Variants in INPP5A observed in about 807,000 individuals in gnomAD.
INPP5A encodes the protein 43 kDa inositol polyphosphate 5-phophatase.
Under a neutral mutation model 65.2 loss-of-function variants are expected in INPP5A, and 14 were observed. That is an observed-to-expected ratio of 0.21 (90% confidence interval 0.14 to 0.34). INPP5A has a LOEUF of 0.34. INPP5A is among the 10% of genes least tolerant of loss of function. The pLI is 1.00. For synonymous variants in INPP5A, 207 were observed against 208.3 expected, an observed-to-expected ratio of 0.99 and a Z score of 0.05; for missense variants, 431 against 545.6, an observed-to-expected ratio of 0.79 and a Z score of 2.09.
intron 8 of INPP5A, 49 bp from the exon 9 acceptor site, chr10:132,726,772 G>C (rs1845992781): frequency 7.2e-7 from 1 of 1,383,522 alleles, no homozygotes; most frequent in African/African-American, 1.4e-5. Context: ...GGGCATGAGG[G>C]CTGGCCGGCT....
intron 4 of INPP5A, among the ~76,000 whole-genome samples, chr10:132,681,882 C>T (rs2073051397): frequency 6.6e-6 from 1 of 152,230 alleles, no homozygotes; most frequent in African/African-American, 2.4e-5. Context: ...TTCTGGCAAG[C>T]ACTACAACAT....
chr10:132,720,476 T>A (rs1285179483), intron 8 of INPP5A, among the ~76,000 whole-genome samples: 3 of 148,972 alleles, frequency 2.0e-5, no homozygotes, highest in Admixed American at 2.0e-4. Context: ...GGTACCTGGG[T>A]TCTGTCTGGG....
intron 2 of INPP5A, among the ~76,000 whole-genome samples, chr10:132,618,856 A>G (rs924750362): frequency 2.6e-5 from 4 of 152,186 alleles, no homozygotes; most frequent in South Asian, 4.1e-4. Flanking sequence ...CTCAAGAGTA[A>G]GAACTCACTT....
At chr10:132,552,558 A>G (rs1324765368) in intron 1 of INPP5A, among the ~76,000 whole-genome samples, 87 of 105,978 alleles carry the variant, frequency 8.2e-4, no homozygotes, top group East Asian at 1.8e-3. Flanking sequence ...AATATTGAGT[A>G]GGATAGGGAG....
intron 2 of INPP5A, among the ~76,000 whole-genome samples, chr10:132,633,184 T>C (rs971490751): frequency 6.6e-6 from 1 of 152,182 alleles, no homozygotes; most frequent in Non-Finnish European, 1.5e-5. Context: ...GCTTCAGTAG[T>C]GAGCTCCCGG....
chr10:132,756,216 C>T (rs1846608011), intron 11 of INPP5A, among the ~76,000 whole-genome samples: 1 of 151,924 alleles, frequency 6.6e-6, no homozygotes, highest in Admixed American at 6.6e-5. Context: ...TACATGTGTG[C>T]ACTTTGTGTG....
chr10:132,704,920 GC>G lies in INPP5A; in HGVS notation c.475-3392del, dbSNP rs1483614759. 2.7e-5 allele frequency among the ~76,000 whole-genome samples: 4 copies of G among 146,680 alleles called. No homozygotes were observed. Among genetic ancestry groups the G allele is most frequent in the African/African-American group, 1.0e-4 (4 of 40,082 alleles). On this transcript the variant is annotated intron_variant, in intron 6 of 15. Transcript: ENST00000368594. This position sits in a 1 kb window ranked among gnomAD's most constrained non-coding sequence, Gnocchi z 4.5. ...GGATGGAGGAAGGGCGTCTGGACAG[GC>G]GGCAGGCAGCTCCTCTGGAGTGTGG...
Position 132,708,358 on chromosome 10 carries a change from G to A in INPP5A, c.520G>A (p.Ala174Thr). 6.2e-7 allele frequency: 1 copy of A among 1,613,986 alleles called. No homozygotes were observed. The highest frequency in any genetic ancestry group is 8.5e-7 in the Non-Finnish European group (1 of 1,179,828). Reference sequence around the variant, plus strand: ...CTTCATCCGGACGAGGTGGTGCATTGCAGACTGGTACGTGGTGTCTGTGCT... The same window carrying A: ...CTTCATCCGGACGAGGTGGTGCATTACAGACTGGTACGTGGTGTCTGTGCT... ...KGFIRTRWCI[A>T]DCAFDLVNIH... Residue 174 changes from alanine (A) to threonine (T), a missense_variant, in exon 7 of 16, where the codon GCA (alanine) becomes ACA (threonine). By Grantham distance (58) the Ala-to-Thr change is moderately conservative. Transcript: ENST00000368594.
intron 11 of INPP5A, among the ~76,000 whole-genome samples, chr10:132,754,216 G>C (rs1488258400): frequency 6.6e-6 from 1 of 152,248 alleles, no homozygotes; most frequent in Non-Finnish European, 1.5e-5. Context: ...TTGTATCATG[G>C]TCGTGTGTAC....
intron 1 of INPP5A, among the ~76,000 whole-genome samples, chr10:132,596,739 GTGCATGTTTGTGTACGTGTGTATGCA>G (rs2071694750): frequency 6.6e-6 from 1 of 152,230 alleles, no homozygotes; most frequent in South Asian, 2.1e-4. Context: ...CCATGTGTGT[GTGCATGTTTGTGTACGTGTGTATGCA>G]TGCATGTGTG....
At position 132,597,086 on chromosome 10, in the gene INPP5A, T is replaced by TATGTGTGC. The variant is rs767495199; in HGVS notation, c.76-10822_76-10815dup. On this transcript the variant is annotated intron_variant, in intron 1 of 15. Coordinates refer to ENST00000368594, the MANE Select transcript of INPP5A (RefSeq NM_005539.5). ...GCTCCTGTACGTGTGTGCGTGTGTG[T>TATGTGTGC]ATGTGTGCATGTGTTTGCATGTGTG... is the stretch of plus-strand genomic sequence containing the variant. Among the ~76,000 whole-genome samples the TATGTGTGC allele has an allele frequency of 2.2e-3, 339 of 151,890 alleles. 12 individuals carry two copies. In the South Asian group the frequency reaches 0.069, roughly 31 times the overall value.
chr10:132,584,195 C>T (rs2071520564), intron 1 of INPP5A, among the ~76,000 whole-genome samples: 1 of 152,174 alleles, frequency 6.6e-6, no homozygotes, highest in African/African-American at 2.4e-5. Flanking sequence ...ATGCCTTTGC[C>T]GGTTTTGGTG....
chr10:132,640,063 G>A (rs1353806273), intron 2 of INPP5A, among the ~76,000 whole-genome samples: 2 of 152,140 alleles, frequency 1.3e-5, no homozygotes. Context: ...TCTTAGTGGT[G>A]GCATCTGTCT....
At chr10:132,713,717 C>T (rs968837649) in intron 8 of INPP5A, among the ~76,000 whole-genome samples, 2 of 152,188 alleles carry the variant, frequency 1.3e-5, no homozygotes, top group Non-Finnish European at 2.9e-5. Flanking sequence ...GGCCGGCCCT[C>T]AGCCCTGTGC....
intron 2 of INPP5A, among the ~76,000 whole-genome samples, chr10:132,610,033 T>G (rs1290357086): frequency 3.9e-5 from 6 of 152,242 alleles, no homozygotes; most frequent in Admixed American, 2.6e-4. Flanking sequence ...GAGCAGAGTT[T>G]TAGGAGACGT....
At chr10:132,738,712 G>A (rs572646034) in intron 9 of INPP5A, among the ~76,000 whole-genome samples, 2 of 152,246 alleles carry the variant, frequency 1.3e-5, no homozygotes, top group Non-Finnish European at 1.5e-5. Flanking sequence ...GCAACCTTGG[G>A]AGAGGACATG....
In INPP5A at chr10:132,741,998, C is replaced by T. The variant is rs1348241873; in HGVS notation, c.733-7519C>T. ...AAGGCCAGGTCAGAGCTGTGTGGGA[C>T]AGGAGGTGTCCTCACGAGTCTCCTG... On this transcript the variant is annotated intron_variant, in intron 9 of 15. Coordinates refer to ENST00000368594, the MANE Select transcript of INPP5A (RefSeq NM_005539.5). This position sits in a 1 kb window ranked among gnomAD's most constrained non-coding sequence, Gnocchi z 4.4. Among the ~76,000 whole-genome samples, 2 of 152,216 alleles carry T rather than the reference C, an allele frequency of 1.3e-5. No homozygotes were observed. Among genetic ancestry groups the T allele is most frequent in the Non-Finnish European group, 2.9e-5 (2 of 68,040 alleles).
chr10:132,604,857 G>T (rs1167613814), intron 1 of INPP5A, among the ~76,000 whole-genome samples: 1 of 152,206 alleles, frequency 6.6e-6, no homozygotes. Context: ...TCTGCAAAGA[G>T]AGAGTGCAAA....
intron 5 of INPP5A, among the ~76,000 whole-genome samples, chr10:132,693,019 A>T (rs879686249): frequency 2.6e-5 from 4 of 152,378 alleles, no homozygotes; most frequent in Admixed American, 2.6e-4. Context: ...AGTCATAAGG[A>T]CAGGAGGGAG....
Sources: gnomAD v4.1 joint callset for allele counts (sites outside exome capture counted in the v4.1 genomes callset) on GRCh38, gnomAD v4.1.1 for gene constraint, Gnocchi (gnomAD v3.1) non-coding constraint, MANE v1.5 for transcripts, NCBI Gene and HGNC (gene_info 2026-07-23, HGNC 2026-07-21) for gene names.